The following SNCAIP variants were observed in gnomAD, a reference collection of about 807,000 sequenced individuals.
SNCAIP encodes synuclein alpha interacting protein, also known as synphilin-1.
SNCAIP carries 43 observed loss-of-function variants against 86.7 expected under a neutral mutation model. That is an observed-to-expected ratio of 0.50 (90% CI 0.39 to 0.64). The LOEUF (loss-of-function observed/expected upper bound fraction) is 0.64, where lower values mean the gene tolerates loss of function less well. Among genes scored for constraint, SNCAIP ranks in the 30% least tolerant of loss-of-function variants. The pLI, the probability that SNCAIP is intolerant of heterozygous loss-of-function variation, is 0.00. For synonymous variants in SNCAIP, 417 were observed against 427.2 expected (o/e 0.98, Z 0.29); for missense variants, 981 against 1,103.1 (o/e 0.89, Z 1.57).
At chr5:122,406,141 G>C (rs1772923700) in intron 3 of SNCAIP, among the ~76,000 whole-genome samples, 1 of 152,162 alleles carries the variant, frequency 6.6e-6, no homozygotes, top group South Asian at 2.1e-4. Flanking sequence ...CAGCATCACT[G>C]TAGAATTATC....
chr5:122,399,391 G>A (rs891376839), intron 2 of SNCAIP, among the ~76,000 whole-genome samples: 1 of 152,050 alleles, frequency 6.6e-6, no homozygotes, highest in Non-Finnish European at 1.5e-5. Flanking sequence ...CCAGAACCAG[G>A]ACTTCAATCC....
chr5:122,345,248 T>C (rs538773938), intron 1 of SNCAIP, among the ~76,000 whole-genome samples: 1 of 152,340 alleles, frequency 6.6e-6, no homozygotes, highest in African/African-American at 2.4e-5. Flanking sequence ...TGGAATGCCC[T>C]CATGTGTTTC....
chr5:122,356,371 G>A (rs1761020236), intron 1 of SNCAIP, among the ~76,000 whole-genome samples: 1 of 151,986 alleles, frequency 6.6e-6, no homozygotes, highest in Non-Finnish European at 1.5e-5. Flanking sequence ...TTCTGCCCTG[G>A]CCTCCCAAAG....
Position 122,451,524 on chromosome 5 carries a change from C to T in SNCAIP, c.2677C>T (p.Pro893Ser), listed in dbSNP as rs776800602. 4.3e-6 allele frequency: 7 copies of T among 1,613,794 alleles called. No homozygotes were observed. In the South Asian group the frequency reaches 4.4e-5, roughly 10 times the overall value. The change falls in exon 10 of 11, where the codon CCC becomes TCC. Residue 893 changes from proline (P) to serine (S), a missense_variant. Pro to Ser is a moderately conservative substitution (Grantham distance 74). Coordinates refer to ENST00000261368, the MANE Select transcript of SNCAIP (RefSeq NM_005460.4). Reference sequence around the variant, plus strand: ...CAACCAGCTGAAAACCTCTACATTGCCCTTGACCTCACTTGGGAGGAAGAC... The same window carrying T: ...CAACCAGCTGAAAACCTCTACATTGTCCTTGACCTCACTTGGGAGGAAGAC... ...AANQLKTSTL[P>S]LTSLGRKTDA... is the part of the protein sequence containing the mutation.
At chr5:122,347,133 A>G (rs1371731019) in intron 1 of SNCAIP, among the ~76,000 whole-genome samples, 1 of 152,132 alleles carries the variant, frequency 6.6e-6, no homozygotes, top group Non-Finnish European at 1.5e-5. Flanking sequence ...GGAACAAAAA[A>G]CATGTGCTTC....
chr5:122,453,794 C>T (rs1159396620), intron 10 of SNCAIP, among the ~76,000 whole-genome samples: 12 of 147,652 alleles, frequency 8.1e-5, no homozygotes, highest in African/African-American at 2.3e-4. Context: ...GAGTCTCACT[C>T]TGTCACCCAG....
chr5:122,369,445 T>G (rs192389642), intron 1 of SNCAIP, among the ~76,000 whole-genome samples: 1 of 152,354 alleles, frequency 6.6e-6, no homozygotes. Context: ...GGAAAGCATT[T>G]ACATCTGAAC....
intron 1 of SNCAIP, among the ~76,000 whole-genome samples, chr5:122,327,831 C>T (rs1754420794): frequency 6.6e-6 from 1 of 152,066 alleles, no homozygotes; most frequent in Non-Finnish European, 1.5e-5. Context: ...GGAGAAGAAA[C>T]ATTTGTATGT....
chr5:122,401,450 G>A (rs1406235459), intron 2 of SNCAIP, among the ~76,000 whole-genome samples: 2 of 152,220 alleles, frequency 1.3e-5, no homozygotes, highest in South Asian at 2.1e-4. Context: ...TTTATCTTGT[G>A]TCTTTATAAA....
chr5:122,331,397 CAGA>C (rs1300390437), intron 1 of SNCAIP, among the ~76,000 whole-genome samples: 1 of 152,114 alleles, frequency 6.6e-6, no homozygotes, highest in African/African-American at 2.4e-5. Context: ...CACTGTTTCC[CAGA>C]AGTTCAGAAG....
intron 1 of SNCAIP, among the ~76,000 whole-genome samples, chr5:122,380,894 T>C (rs891541323): frequency 3.4e-4 from 52 of 151,864 alleles, no homozygotes; most frequent in Middle Eastern, 3.4e-3. Flanking sequence ...GATTGCACTG[T>C]GGTCTGAGAG....
chr5:122,371,129 CATAGTGAGACACTG>C, intron 1 of SNCAIP, among the ~76,000 whole-genome samples: 1 of 152,014 alleles, frequency 6.6e-6, no homozygotes, highest in South Asian at 2.1e-4. Context: ...GCCGGGGCAA[CATAGTGAGACACTG>C]TCTCTACAAA....
chr5:122,440,721 A>G lies in SNCAIP; in HGVS notation c.1389A>G (p.Val463=). 1.2e-6 allele frequency: 2 copies of G among 1,614,104 alleles called. No homozygotes were observed. Among genetic ancestry groups the G allele is most frequent in the Non-Finnish European group, 1.7e-6 (2 of 1,179,928 alleles). The change falls in exon 7 of 11, where the codon GTA becomes GTG. Residue 463 remains valine, a synonymous_variant. Transcript: ENST00000261368. ...VDQDGNSAVH[V]ASQHGYLGCI... is the part of the protein sequence containing the mutation. The stretch of plus-strand genomic sequence containing the variant: ...AGGATGGCAACAGTGCCGTTCACGT[A>G]GCCTCACAGCATGGCTACCTTGGAT...
chr5:122,463,171 A>T (rs1786863407), intron 10 of SNCAIP, among the ~76,000 whole-genome samples: 1 of 152,208 alleles, frequency 6.6e-6, no homozygotes, highest in Non-Finnish European at 1.5e-5. Flanking sequence ...CAACAATACT[A>T]TACTTCCTAT....
In SNCAIP at chr5:122,382,115, T is replaced by C. The variant is rs561673012; in HGVS notation, c.-46-8974T>C. On this transcript the variant is annotated intron_variant, in intron 1 of 10. Transcript: ENST00000261368. The stretch of plus-strand genomic sequence containing the variant: ...TCTTGCTAGGTTGGGGAAGTTCTCC[T>C]GGATAATATCCTGAAGAGTGTTTTC... Among the ~76,000 whole-genome samples, 3 of 152,340 alleles carry C rather than the reference T, an allele frequency of 2.0e-5. No individual in the cohort carries two copies. In the East Asian group the frequency reaches 5.8e-4, roughly 29 times the overall value.
intron 1 of SNCAIP, among the ~76,000 whole-genome samples, chr5:122,315,242 C>T (rs143261390): frequency 6.6e-6 from 1 of 152,298 alleles, no homozygotes; most frequent in African/African-American, 2.4e-5. Flanking sequence ...TTGTGAATGG[C>T]TTTACTTATA....
At chr5:122,335,859 G>A (rs1046248056) in intron 1 of SNCAIP, among the ~76,000 whole-genome samples, 5 of 152,152 alleles carry the variant, frequency 3.3e-5, no homozygotes, top group East Asian at 1.9e-4. Context: ...AGGGCAATTC[G>A]TATAGAAAGC....
intron 1 of SNCAIP, among the ~76,000 whole-genome samples, chr5:122,362,537 T>A (rs1192921575): frequency 6.6e-6 from 1 of 152,184 alleles, no homozygotes; most frequent in Non-Finnish European, 1.5e-5. Flanking sequence ...AGAATTGTAG[T>A]GGATAAGAAC....
intron 5 of SNCAIP, among the ~76,000 whole-genome samples, chr5:122,430,992 T>C (rs1778306893): frequency 6.6e-6 from 1 of 152,202 alleles, no homozygotes; most frequent in African/African-American, 2.4e-5. Flanking sequence ...AATGAAATTT[T>C]TAATTTCAAA....
Sources: allele counts gnomAD v4.1 joint callset (sites outside exome capture counted in the v4.1 genomes callset), GRCh38; gene constraint gnomAD v4.1.1; transcripts MANE v1.5; gene names NCBI Gene and HGNC (gene_info 2026-07-23, HGNC 2026-07-21).